ROBO1: variants seen among roughly 807,000 people sequenced by gnomAD.
ROBO1 encodes roundabout guidance receptor 1, also known as roundabout homolog 1.
In ROBO1, 149 loss-of-function variants were observed where a neutral mutation model predicts 195.9. The ratio of observed to expected loss-of-function variants is 0.76; its 90% CI spans 0.67 to 0.87. ROBO1 has a LOEUF of 0.87. Among genes scored for constraint, ROBO1 ranks in the 40% least tolerant of loss-of-function variants. ROBO1 has a pLI of 0.00. For synonymous variants in ROBO1, 816 were observed against 733.2 expected, an observed-to-expected ratio of 1.11 and a Z score of -1.82; for missense variants, 1,933 against 2,068.3, an observed-to-expected ratio of 0.93 and a Z score of 1.27.
rs1015051973 is a variant in ROBO1, at chr3:78,865,662, G to T, written c.499+72939C>A. Reference sequence around the variant, plus strand: ...AATTTTTTGCATTTTTAGTAGAGACGGGGTTTCACCGTGTTAGCCAGGATG... The same window carrying T: ...AATTTTTTGCATTTTTAGTAGAGACTGGGTTTCACCGTGTTAGCCAGGATG... On this transcript the variant is annotated intron_variant, in intron 4 of 30. Transcript: ENST00000464233. 4.6e-5 allele frequency among the ~76,000 whole-genome samples: 7 copies of T among 151,746 alleles called. No homozygotes were observed. In the East Asian group the frequency reaches 1.4e-3, roughly 29 times the overall value.
chr3:79,010,212 C>T (rs1002907719), intron 3 of ROBO1, among the ~76,000 whole-genome samples: 2 of 152,128 alleles, frequency 1.3e-5, no homozygotes, highest in African/African-American at 4.8e-5. Context: ...ACTGTTTCAT[C>T]TACATTCATT....
chr3:79,179,515 G>A (rs2081307084), intron 2 of ROBO1, among the ~76,000 whole-genome samples: 1 of 152,116 alleles, frequency 6.6e-6, no homozygotes, highest in African/African-American at 2.4e-5. Context: ...AAGTAAACCA[G>A]GTTAGATCAC....
At chr3:78,808,498 C>G (rs937705248) in intron 4 of ROBO1, among the ~76,000 whole-genome samples, 3 of 152,150 alleles carry the variant, frequency 2.0e-5, no homozygotes, top group Non-Finnish European at 4.4e-5. Flanking sequence ...CCACCATGCC[C>G]TGCCTGAAAT....
intron 2 of ROBO1, among the ~76,000 whole-genome samples, chr3:79,300,253 G>C (rs907736344): frequency 6.6e-6 from 1 of 152,328 alleles, no homozygotes; most frequent in South Asian, 2.1e-4. Context: ...GCTGCGCTCG[G>C]CGCTTGCGGG....
At chr3:79,289,694 C>G (rs1282945823) in intron 2 of ROBO1, among the ~76,000 whole-genome samples, 1 of 152,058 alleles carries the variant, frequency 6.6e-6, no homozygotes, top group Non-Finnish European at 1.5e-5. Flanking sequence ...TTATGAAATA[C>G]AAAAATAATA....
At chr3:79,111,489 C>A (rs1276838168) in intron 3 of ROBO1, among the ~76,000 whole-genome samples, 1 of 152,120 alleles carries the variant, frequency 6.6e-6, no homozygotes, top group African/African-American at 2.4e-5. Flanking sequence ...GCTTTGGGAA[C>A]TGGAGGTAGT....
chr3:78,633,935 CA>C lies in ROBO1; in HGVS notation c.3480del (p.Ser1162ValfsTer19). 1 of 1,593,718 alleles carries C rather than the reference CA, an allele frequency of 6.3e-7. No individual in the cohort carries two copies. Among genetic ancestry groups the C allele is most frequent in the South Asian group, 1.1e-5 (1 of 89,124 alleles). On this transcript the variant is annotated frameshift_variant and splice_region_variant, in exon 24 of 31. Coordinates refer to ENST00000464233, the MANE Select transcript of ROBO1 (RefSeq NM_002941.4). LOFTEE classifies it high-confidence loss of function. ...AAGTTCTTTGGTTCATCTTACTTAC[CA>C]GATGTACTACTGCCCCGGTCTGAGC... ...YNSSDRGSSTSGSQGHKKGAR... is the reference protein window; with the variant it reads ...YNSSDRGSSTXGSQGHKKGAR...
In ROBO1 at chr3:78,879,104, T is replaced by A. The variant is rs538540521; in HGVS notation, c.499+59497A>T. Among the ~76,000 whole-genome samples the A allele has an allele frequency of 9.2e-5, 14 of 152,318 alleles. No individual in the cohort carries two copies. The South Asian group carries it at 2.7e-3, about 29-fold the overall frequency. On this transcript the variant is annotated intron_variant, in intron 4 of 30. Coordinates refer to ENST00000464233, the MANE Select transcript of ROBO1 (RefSeq NM_002941.4). ...TTCTACTATACTTCTGCCTAAAACA[T>A]TTTAAACTAAACTAAATGGTATGTG...
Position 79,565,050 on chromosome 3 carries a change from C to T in ROBO1, c.88+24774G>A, listed in dbSNP as rs1437681100. 2.0e-5 allele frequency among the ~76,000 whole-genome samples: 3 copies of T among 152,078 alleles called. No homozygotes were observed. In the East Asian group the frequency reaches 5.8e-4, roughly 29 times the overall value. On this transcript the variant is annotated intron_variant, in intron 2 of 30. Coordinates refer to ENST00000464233, the MANE Select transcript of ROBO1 (RefSeq NM_002941.4). The stretch of plus-strand genomic sequence containing the variant: ...ACTATCATGTGAATATGCACTTATT[C>T]AATCATGAGGTTGATAAAAATTAAT...
intron 5 of ROBO1, among the ~76,000 whole-genome samples, chr3:78,724,720 TGA>T (rs1048870708): frequency 1.3e-5 from 2 of 151,922 alleles, no homozygotes; most frequent in African/African-American, 4.8e-5. Context: ...CATCTTATGT[TGA>T]GTCATATAAA....
At chr3:79,725,373 C>A (rs1030643954) in intron 1 of ROBO1, among the ~76,000 whole-genome samples, 8 of 151,590 alleles carry the variant, frequency 5.3e-5, no homozygotes, top group Admixed American at 3.3e-4. Context: ...ACTACAGGCG[C>A]CCGCCACCAC....
chr3:79,766,815 C>T (rs952415451), intron 1 of ROBO1, among the ~76,000 whole-genome samples: 2 of 152,180 alleles, frequency 1.3e-5, no homozygotes, highest in East Asian at 3.9e-4. Context: ...GGCGTTTCAT[C>T]AATAATGCAG....
In ROBO1 at chr3:79,566,011, T is replaced by A. The variant is rs561146861; in HGVS notation, c.88+23813A>T. ...TACAGCAAATATATAACTATTGGAC[T>A]CAGAGCACTTGTTTCCTGGATCCAT... On this transcript the variant is annotated intron_variant, in intron 2 of 30. Coordinates refer to ENST00000464233, the MANE Select transcript of ROBO1 (RefSeq NM_002941.4). Among the ~76,000 whole-genome samples the A allele has an allele frequency of 6.8e-4, 103 of 152,246 alleles. 2 individuals are homozygous for A. Among genetic ancestry groups the A allele is most frequent in the African/African-American group, 2.4e-3 (99 of 41,562 alleles).
At chr3:78,939,455 A>AT (rs1426084846) in intron 3 of ROBO1, among the ~76,000 whole-genome samples, 2 of 150,994 alleles carry the variant, frequency 1.3e-5, no homozygotes, top group African/African-American at 2.4e-5. Context: ...TCTACTAAAA[A>AT]AAAAAAAAAA....
intron 2 of ROBO1, among the ~76,000 whole-genome samples, chr3:79,137,707 C>G (rs558774635): frequency 1.3e-5 from 2 of 152,120 alleles, no homozygotes; most frequent in Admixed American, 6.5e-5. Flanking sequence ...TTCTGTCATG[C>G]AACTAGTAAA....
At chr3:78,939,516 G>A (rs2040015311) in intron 3 of ROBO1, among the ~76,000 whole-genome samples, 1 of 151,224 alleles carries the variant, frequency 6.6e-6, no homozygotes, top group African/African-American at 2.4e-5. Context: ...TACTCGGGAG[G>A]CTGAGGCAGG....
At chr3:79,749,493 C>T (rs1560154811) in intron 1 of ROBO1, among the ~76,000 whole-genome samples, 1 of 152,156 alleles carries the variant, frequency 6.6e-6, no homozygotes, top group Non-Finnish European at 1.5e-5. Flanking sequence ...GAAAATGCCT[C>T]CAGGGCATGT....
intron 1 of ROBO1, among the ~76,000 whole-genome samples, chr3:79,758,850 C>A (rs1704545492): frequency 6.6e-6 from 1 of 151,782 alleles, no homozygotes; most frequent in African/African-American, 2.4e-5. Flanking sequence ...TAAAAAAGGG[C>A]CAAAAAGAAT....
intron 14 of ROBO1, among the ~76,000 whole-genome samples, chr3:78,662,975 T>C (rs746447800): frequency 1.7e-4 from 26 of 152,110 alleles, no homozygotes; most frequent in Non-Finnish European, 3.4e-4. Context: ...GCTTTGTTTA[T>C]AATAGTAACA....
Sources: gnomAD v4.1 joint callset for allele counts (sites outside exome capture counted in the v4.1 genomes callset) on GRCh38, gnomAD v4.1.1 for gene constraint, MANE v1.5 for transcripts, NCBI Gene and HGNC (gene_info 2026-07-23, HGNC 2026-07-21) for gene names.